Variants in SLC5A12 observed in about 807,000 individuals in gnomAD.
SLC5A12 encodes the protein sodium-coupled monocarboxylate transporter 2.
A neutral mutation model predicts 72.7 loss-of-function variants in SLC5A12; 46 were observed. The observed-to-expected ratio is 0.63, with a 90% CI of 0.50 to 0.81. The LOEUF (loss-of-function observed/expected upper bound fraction) is 0.81. SLC5A12 is among the 30% of genes least tolerant of loss of function. The pLI is 0.00. For synonymous variants in SLC5A12, 275 were observed against 264.4 expected (o/e 1.04, Z -0.39); for missense variants, 683 against 740.7 (o/e 0.92, Z 0.90).
chr11:26,669,210 T>TCTTTCTTG lies in SLC5A12; in HGVS notation c.*1891_*1892insCAAGAAAG, dbSNP rs1854080535. ...TCTTTTCTTTCTTTCTTTCTTTCTTTCTTTCTTTCTCTCTCTCCCTCCCTC... is the reference window on the plus strand; with the variant it reads ...TCTTTTCTTTCTTTCTTTCTTTCTTTCTTTCTTGCTTTCTTTCTCTCTCTCCCTCCCTC... On this transcript the variant is annotated 3_prime_UTR_variant, in exon 15 of 15. Coordinates refer to ENST00000396005, the MANE Select transcript of SLC5A12 (RefSeq NM_178498.4). 7.1e-6 allele frequency: 1 copy of TCTTTCTTG among 140,384 alleles called. No individual in the cohort carries two copies. Among genetic ancestry groups the TCTTTCTTG allele is most frequent in the African/African-American group, 2.7e-5 (1 of 36,908 alleles). The allele number at this position is 140,384 out of a possible 1,614,324, so 8.7% of individuals were successfully genotyped here. A position where few individuals can be genotyped will look rare whatever the true frequency, so the allele number is the denominator to read the frequency against.
chr11:26,700,930 T>C (rs1854944634), intron 6 of SLC5A12, among the ~76,000 whole-genome samples: 1 of 152,200 alleles, frequency 6.6e-6, no homozygotes, highest in South Asian at 2.1e-4. Flanking sequence ...TACTTACCTA[T>C]TTTGCAGGAT....
chr11:26,669,814 A>G lies in SLC5A12; in HGVS notation c.*1288T>C, dbSNP rs1179646743. 1 of 152,184 alleles carries G rather than the reference A, an allele frequency of 6.6e-6. No homozygotes were observed. Among genetic ancestry groups the G allele is most frequent in the East Asian group, 1.9e-4 (1 of 5,182 alleles). 9.4% of individuals were successfully genotyped at this position (152,184 alleles called of 1,614,324 possible). A position where few individuals can be genotyped will look rare whatever the true frequency, so the allele number is the denominator to read the frequency against. ...TGGACCATTTCTTCTTACTTTGCTA[A>G]CACACTGTTTCTAGGCCTTTTGCTT... On this transcript the variant is annotated 3_prime_UTR_variant, in exon 15 of 15. Coordinates refer to ENST00000396005, the MANE Select transcript of SLC5A12 (RefSeq NM_178498.4).
intron 14 of SLC5A12, among the ~76,000 whole-genome samples, chr11:26,671,994 C>T (rs1854154713): frequency 6.6e-6 from 1 of 152,138 alleles, no homozygotes; most frequent in African/African-American, 2.4e-5. Context: ...TATCAAGCCA[C>T]TGTTCAATTA....
At position 26,680,346 on chromosome 11, in the gene SLC5A12, T is replaced by C. The variant is rs532161382; in HGVS notation, c.1475+709A>G. On this transcript the variant is annotated intron_variant, in intron 12 of 14. Coordinates refer to ENST00000396005, the MANE Select transcript of SLC5A12 (RefSeq NM_178498.4). ...ATATATTCATATATATATGTATATA[T>C]ATTCATATATATATGTATATATATT... Among the ~76,000 whole-genome samples, 3 of 132,376 alleles carry C rather than the reference T, an allele frequency of 2.3e-5. No individual in the cohort carries two copies. The South Asian group carries it at 6.6e-4, about 29-fold the overall frequency. 86.8% of individuals were successfully genotyped at this position (132,376 alleles called of 152,430 possible).
Position 26,698,489 on chromosome 11 carries a change from C to T in SLC5A12, c.868G>A (p.Ala290Thr). ...LLGLWIILVC[A>T]VFSGLIMYSH... ...TACATGATTAAGCCAGAGAAGACAG[C>T]ACACACCAGAATGATCCAGAGACCC... The change falls in exon 7 of 15, where the codon GCT (alanine) becomes ACT (threonine). Residue 290 changes from alanine to threonine, a missense_variant. By Grantham distance (58) the Ala-to-Thr change is moderately conservative. Coordinates refer to ENST00000396005, the MANE Select transcript of SLC5A12 (RefSeq NM_178498.4). 1 of 1,614,004 alleles carries T rather than the reference C, an allele frequency of 6.2e-7. No individual in the cohort carries two copies.
At chr11:26,692,208 T>G (rs578070050) in intron 9 of SLC5A12, 4 of 252,520 alleles carry the variant, frequency 1.6e-5, no homozygotes, top group South Asian at 1.1e-4. Flanking sequence ...CTGGGCCGTA[T>G]GCGGCCCACA....
chr11:26,704,264 C>A (rs1855033880), intron 4 of SLC5A12, among the ~76,000 whole-genome samples: 1 of 152,092 alleles, frequency 6.6e-6, no homozygotes, highest in African/African-American at 2.4e-5. Context: ...AAACAGGGAG[C>A]CCTGACCTGG....
At position 26,683,812 on chromosome 11, in the gene SLC5A12, C is replaced by T; in HGVS notation, c.1253G>A (p.Gly418Glu). 4 of 1,598,870 alleles carry T rather than the reference C, an allele frequency of 2.5e-6. No homozygotes were observed. Among genetic ancestry groups the T allele is most frequent in the Non-Finnish European group, 3.4e-6 (4 of 1,173,252 alleles). The change falls in exon 11 of 15, where the codon GGA (glycine) becomes GAA (glutamate). Residue 418 changes from glycine (G) to glutamate (E), a missense_variant. Coordinates refer to ENST00000396005, the MANE Select transcript of SLC5A12 (RefSeq NM_178498.4). ...CAGGGAGAATAAGCCCAGCATTGGT[C>T]CTCCACACATGCCGTGAATGCTGAG... ...ASLSIHGMCG[G>E]PMLGLFSLGI... is the part of the protein sequence containing the mutation.
At position 26,712,688 on chromosome 11, in the gene SLC5A12, T is replaced by G; in HGVS notation, c.358A>C (p.Asn120His). The change falls in exon 2 of 15, where the codon AAC (asparagine) becomes CAC (histidine). Residue 120 changes from asparagine to histidine, a missense_variant. Asn to His is a moderately conservative substitution (Grantham distance 68). Coordinates refer to ENST00000396005, the MANE Select transcript of SLC5A12 (RefSeq NM_178498.4). Reference protein sequence around the residue: ...STYEYLQLRFNKPVRYAATVI... With the variant: ...STYEYLQLRFHKPVRYAATVI... ...GTGGCAGCATAGCGAACTGGTTTGT[T>G]GAATCGTAGTTGTAAGTACTAAAGG... 6.3e-7 allele frequency: 1 copy of G among 1,590,144 alleles called. No homozygotes were observed. Among genetic ancestry groups the G allele is most frequent in the Non-Finnish European group, 8.6e-7 (1 of 1,162,320 alleles).
chr11:26,714,662 G>T (rs1174066763), intron 1 of SLC5A12, among the ~76,000 whole-genome samples: 1 of 151,890 alleles, frequency 6.6e-6, no homozygotes, highest in African/African-American at 2.4e-5. Flanking sequence ...TTTCTTTTCT[G>T]AATTAAAAAA....
chr11:26,721,208 A>T (rs1228359597), intron 1 of SLC5A12, among the ~76,000 whole-genome samples, 168 bp downstream of exon 1: 1 of 152,222 alleles, frequency 6.6e-6, no homozygotes, highest in Non-Finnish European at 1.5e-5. Context: ...ACAGATGGGA[A>T]AATAGATATG....
In SLC5A12 at chr11:26,721,805, G is replaced by T; in HGVS notation, c.-91C>A. The T allele has an allele frequency of 1.8e-6, 2 of 1,094,376 alleles. No homozygotes were observed. Among genetic ancestry groups the T allele is most frequent in the Non-Finnish European group, 2.7e-6 (2 of 749,522 alleles). The allele number at this position is 1,094,376 out of a possible 1,614,324, so 67.8% of individuals were successfully genotyped here. Reference sequence around the variant, plus strand: ...CAAAGTTCAGTACAGTGGATGCTTTGCTGAGAGGAGAGACTGTGATTCCCT... The same window carrying T: ...CAAAGTTCAGTACAGTGGATGCTTTTCTGAGAGGAGAGACTGTGATTCCCT... On this transcript the variant is annotated 5_prime_UTR_variant, in exon 1 of 15. Transcript: ENST00000396005.
rs904833097 is a variant in SLC5A12, at chr11:26,711,362, G to T, written c.406-4C>A. The T allele has an allele frequency of 6.2e-7, 1 of 1,610,662 alleles. No individual in the cohort carries two copies. Among genetic ancestry groups the T allele is most frequent in the Admixed American group, 1.7e-5 (1 of 59,744 alleles). On this transcript the variant is annotated splice_region_variant and splice_polypyrimidine_tract_variant and intron_variant, in intron 2 of 14. Coordinates refer to ENST00000396005, the MANE Select transcript of SLC5A12 (RefSeq NM_178498.4). ...CCACCACTCCTGTGTAGAGAATCTG[G>T]TAGAGAAACAAGAATCAGATTGGCA...
intron 13 of SLC5A12, among the ~76,000 whole-genome samples, chr11:26,677,040 G>T (rs984957966): frequency 7.9e-5 from 12 of 152,032 alleles, no homozygotes; most frequent in Admixed American, 2.6e-4. Flanking sequence ...GATTCAGTGG[G>T]TATTACAGAA....
At position 26,678,812 on chromosome 11, in the gene SLC5A12, A is replaced by C. The variant is rs915361170; in HGVS notation, c.1479T>G (p.Pro493=). Residue 493 remains proline (P), a synonymous_variant, in exon 13 of 15, where the codon CCT becomes CCG. Transcript: ENST00000396005. ...ATGPPVLSSR[P]GIADTWYSIS... Reference sequence around the variant, plus strand: ...TCGAGTACCAGGTATCAGCTATTCCAGGTCTGTGGAGAACAGCACATGTCA... The same window carrying C: ...TCGAGTACCAGGTATCAGCTATTCCCGGTCTGTGGAGAACAGCACATGTCA... 2.5e-6 allele frequency: 4 copies of C among 1,607,678 alleles called. No homozygotes were observed. The highest frequency in any genetic ancestry group is 3.4e-6 in the Non-Finnish European group (4 of 1,175,074).
chr11:26,668,558 A>G lies in SLC5A12; in HGVS notation c.*2544T>C, dbSNP rs1457818261. 1.3e-5 allele frequency: 2 copies of G among 152,048 alleles called. No homozygotes were observed. Among genetic ancestry groups the G allele is most frequent in the African/African-American group, 2.4e-5 (1 of 41,412 alleles). The allele number at this position is 152,048 out of a possible 1,614,324, so 9.4% of individuals were successfully genotyped here. On this transcript the variant is annotated 3_prime_UTR_variant, in exon 15 of 15. Coordinates refer to ENST00000396005, the MANE Select transcript of SLC5A12 (RefSeq NM_178498.4). ...AGGAGTGCTGGGACTCACTAGCTGA[A>G]TCTATTGACTGTGCGCTTCATAGTT...
intron 13 of SLC5A12, 144 bp from the exon 14 acceptor site, chr11:26,673,673 G>A: frequency 6.4e-6 from 7 of 1,086,244 alleles, no homozygotes; most frequent in Non-Finnish European, 8.8e-6. Flanking sequence ...ACAGAAATTG[G>A]TTAACTGCTG....
At position 26,718,620 on chromosome 11, in the gene SLC5A12, TTGTGTGTGTGTGTGTGTGTGTG is replaced by T. The variant is rs10578471; in HGVS notation, c.339+2734_339+2755del. On this transcript the variant is annotated intron_variant, in intron 1 of 14. Coordinates refer to ENST00000396005, the MANE Select transcript of SLC5A12 (RefSeq NM_178498.4). ...TGTGCGCCACCATGCCTGGCTAATT[TTGTGTGTGTGTGTGTGTGTGTG>T]TGTGTGTGTGTGTGTGTGTGTTGTT... Among the ~76,000 whole-genome samples the T allele has an allele frequency of 6.6e-3, 992 of 149,712 alleles. 12 individuals carry two copies. The highest frequency in any genetic ancestry group is 0.023 in the African/African-American group (948 of 40,610).
intron 9 of SLC5A12, among the ~76,000 whole-genome samples, chr11:26,687,923 G>T (rs1854576341): frequency 1.3e-5 from 2 of 152,178 alleles, no homozygotes; most frequent in Admixed American, 1.3e-4. Context: ...CCCTGACTTT[G>T]TATTGCTTCA....
Sources: allele counts gnomAD v4.1 joint callset (sites outside exome capture counted in the v4.1 genomes callset), GRCh38; gene constraint gnomAD v4.1.1; transcripts MANE v1.5; gene names NCBI Gene and HGNC (gene_info 2026-07-23, HGNC 2026-07-21).